PTH2R: variants seen among roughly 807,000 people sequenced by gnomAD.
The protein encoded by PTH2R is parathyroid hormone 2 receptor, also known as PTH2 receptor.
PTH2R carries 59 observed loss-of-function variants against 60.3 expected under a neutral mutation model. That is an observed-to-expected ratio of 0.98 (90% CI 0.79 to 1.22). The LOEUF is 1.22. PTH2R is among the 50% of genes most tolerant of loss of function. PTH2R has a pLI of 0.00. For missense variants in PTH2R, 749 were observed against 682.6 expected (o/e 1.10, Z -1.08); for synonymous variants, 256 against 243.8 (o/e 1.05, Z -0.47).
intron 2 of PTH2R, among the ~76,000 whole-genome samples, chr2:208,430,213 C>T (rs1354229360): frequency 6.6e-6 from 1 of 152,088 alleles, no homozygotes; most frequent in African/African-American, 2.4e-5. Flanking sequence ...ATTTGAGATA[C>T]TTTAATTGCT....
chr2:208,465,848 G>A (rs1397342899), intron 9 of PTH2R, among the ~76,000 whole-genome samples: 1 of 152,038 alleles, frequency 6.6e-6, no homozygotes, highest in Non-Finnish European at 1.5e-5. Flanking sequence ...TATGATAAAA[G>A]TGCTACAAAC....
At chr2:208,407,973 T>C (rs1255082946) in intron 1 of PTH2R, among the ~76,000 whole-genome samples, 1 of 152,236 alleles carries the variant, frequency 6.6e-6, no homozygotes, top group Non-Finnish European at 1.5e-5. Flanking sequence ...GATTTATGTG[T>C]TGATACTGTC....
At chr2:208,415,515 A>G (rs1701623673) in intron 1 of PTH2R, among the ~76,000 whole-genome samples, 1 of 152,176 alleles carries the variant, frequency 6.6e-6, no homozygotes, top group African/African-American at 2.4e-5. Context: ...TTTTTTCGCT[A>G]CCAGGGAGAA....
At chr2:208,467,786 G>A (rs2105894356) in intron 9 of PTH2R, among the ~76,000 whole-genome samples, 1 of 152,200 alleles carries the variant, frequency 6.6e-6, no homozygotes, top group Middle Eastern at 3.4e-3. Context: ...ATGGTTCCTA[G>A]GTCCTTGCGA....
chr2:208,489,888 G>T (rs1703364277), intron 11 of PTH2R, among the ~76,000 whole-genome samples: 1 of 152,084 alleles, frequency 6.6e-6, no homozygotes, highest in Admixed American at 6.6e-5. Context: ...TCTGCCTCTA[G>T]GGCTCACACT....
chr2:208,477,932 CACT>C (rs1470846382), intron 9 of PTH2R, among the ~76,000 whole-genome samples: 83 of 144,378 alleles, frequency 5.7e-4, no homozygotes, highest in Middle Eastern at 7.5e-3. Flanking sequence ...CTAGTACTAG[CACT>C]ACTACTAGTA....
At chr2:208,488,956 T>C in intron 10 of PTH2R, 56 bp from the exon 11 acceptor site, 1 of 1,600,650 alleles carries the variant, frequency 6.2e-7, no homozygotes, top group African/African-American at 1.3e-5. Context: ...CAGCACGCTG[T>C]CTTTACTGAA....
intron 1 of PTH2R, among the ~76,000 whole-genome samples, chr2:208,378,597 C>T (rs1700854844): frequency 6.6e-6 from 1 of 151,956 alleles, no homozygotes; most frequent in South Asian, 2.1e-4. Context: ...AAGCAAGACC[C>T]CAGAGAGCCC....
intron 1 of PTH2R, among the ~76,000 whole-genome samples, chr2:208,387,443 C>T (rs1054619187): frequency 2.0e-5 from 3 of 152,166 alleles, no homozygotes; most frequent in African/African-American, 7.2e-5. Flanking sequence ...TCACAAAAGA[C>T]ACACTCTCCT....
intron 1 of PTH2R, among the ~76,000 whole-genome samples, chr2:208,365,940 ATATATATATATATATATATATTTTTTTT>A (rs1308496049): frequency 0.033 from 446 of 13,506 alleles, 6 homozygotes; most frequent in Non-Finnish European, 0.056. Context: ...ATATATATAT[ATATATATATATATATATATATTTTTTTT>A]TTTTTTTTTT....
intron 9 of PTH2R, chr2:208,469,866 G>A (rs1206340660): frequency 6.6e-6 from 1 of 152,132 alleles, no homozygotes; most frequent in Non-Finnish European, 1.5e-5. Flanking sequence ...GGGCCTCCTG[G>A]AGCATCATGA....
chr2:208,429,924 A>G (rs1396105277), intron 2 of PTH2R, among the ~76,000 whole-genome samples: 1 of 152,208 alleles, frequency 6.6e-6, no homozygotes, highest in Non-Finnish European at 1.5e-5. Flanking sequence ...AATTGTAGTT[A>G]CTAATATACA....
At chr2:208,426,434 A>G (rs1701859061) in intron 1 of PTH2R, among the ~76,000 whole-genome samples, 1 of 152,252 alleles carries the variant, frequency 6.6e-6, no homozygotes, top group Non-Finnish European at 1.5e-5. Flanking sequence ...CAGTGCTTGT[A>G]TCTACAACAA....
chr2:208,420,349 A>G (rs1172832169), intron 1 of PTH2R, among the ~76,000 whole-genome samples: 1 of 152,118 alleles, frequency 6.6e-6, no homozygotes, highest in East Asian at 1.9e-4. Context: ...GACTTTTTCA[A>G]TTTTGCCTAT....
intron 9 of PTH2R, among the ~76,000 whole-genome samples, chr2:208,478,744 T>A (rs1021348332): frequency 1.3e-5 from 2 of 152,190 alleles, no homozygotes; most frequent in Admixed American, 1.3e-4. Flanking sequence ...GACACCATAG[T>A]GCAGTGGTTA....
chr2:208,417,634 C>A (rs538620312), intron 1 of PTH2R, among the ~76,000 whole-genome samples: 6 of 149,132 alleles, frequency 4.0e-5, no homozygotes, highest in African/African-American at 1.2e-4. Flanking sequence ...CTCACTGCAA[C>A]CTCCTCCCGG....
intron 1 of PTH2R, among the ~76,000 whole-genome samples, chr2:208,376,943 G>C (rs1488719240): frequency 6.6e-6 from 1 of 151,764 alleles, no homozygotes; most frequent in Non-Finnish European, 1.5e-5. Context: ...AGGGTCATAG[G>C]ATAATAGTGG....
intron 5 of PTH2R, among the ~76,000 whole-genome samples, chr2:208,442,744 C>A (rs1029922065): frequency 6.6e-6 from 1 of 152,058 alleles, no homozygotes; most frequent in African/African-American, 2.4e-5. Context: ...GAATGAGTTC[C>A]CGAGAGATTT....
At chr2:208,468,004 C>T (rs1431463813) in intron 9 of PTH2R, among the ~76,000 whole-genome samples, 1 of 152,210 alleles carries the variant, frequency 6.6e-6, no homozygotes, top group Non-Finnish European at 1.5e-5. Flanking sequence ...CACACCGTCT[C>T]CTATGCAGCA....
Sources: allele counts gnomAD v4.1 joint callset (sites outside exome capture counted in the v4.1 genomes callset), GRCh38; gene constraint gnomAD v4.1.1; transcripts MANE v1.5; gene names NCBI Gene and HGNC (gene_info 2026-07-23, HGNC 2026-07-21).